MYO1E: variants seen among roughly 807,000 people sequenced by gnomAD.
MYO1E encodes the protein myosin IE.
Under a neutral mutation model 151.1 loss-of-function variants are expected in MYO1E, and 68 were observed. That is an observed-to-expected ratio of 0.45 (90% CI 0.37 to 0.55). The LOEUF is 0.55. Ranked by LOEUF, MYO1E falls within the 20% of genes least tolerant of loss-of-function variation. MYO1E has a pLI of 0.00. For synonymous variants in MYO1E, 601 were observed against 501.7 expected (o/e 1.20, Z -2.64); for missense variants, 1,363 against 1,389.3 (o/e 0.98, Z 0.30).
intron 4 of MYO1E, among the ~76,000 whole-genome samples, chr15:59,254,538 T>C (rs2080183226): frequency 6.6e-6 from 1 of 152,192 alleles, no homozygotes; most frequent in Non-Finnish European, 1.5e-5. Context: ...AGTAATCAAG[T>C]GGGACAGAAT....
At chr15:59,241,746 T>G (rs1190177023) in intron 4 of MYO1E, among the ~76,000 whole-genome samples, 1 of 151,524 alleles carries the variant, frequency 6.6e-6, no homozygotes, top group Non-Finnish European at 1.5e-5. Context: ...ATAAAAATTT[T>G]TAAATAAAAA....
intron 12 of MYO1E, among the ~76,000 whole-genome samples, chr15:59,212,032 C>T (rs1361355095): frequency 2.6e-5 from 4 of 152,080 alleles, no homozygotes; most frequent in Admixed American, 2.6e-4. Flanking sequence ...TCAGTGGGTC[C>T]TCATTCCACT....
intron 1 of MYO1E, among the ~76,000 whole-genome samples, chr15:59,307,656 G>C (rs2080522651): frequency 6.6e-6 from 1 of 152,068 alleles, no homozygotes; most frequent in African/African-American, 2.4e-5. Flanking sequence ...TGTTGCCCAG[G>C]CTGGAGTGCA....
intron 2 of MYO1E, among the ~76,000 whole-genome samples, chr15:59,270,534 C>T (rs1388830304): frequency 7.1e-6 from 1 of 141,454 alleles, no homozygotes; most frequent in African/African-American, 2.7e-5. Flanking sequence ...CAGAGGGAGA[C>T]CCTGTCTTAA....
rs114792198 is a variant in MYO1E at position 59,273,903 on chromosome 15, A to G, written c.4-1454T>C. The stretch of plus-strand genomic sequence containing the variant: ...TCGGGGGACTTCGAATGAAGAAGAG[A>G]AAAATTCTAAATAAGGGTATCTAGA... On this transcript the variant is annotated intron_variant, in intron 1 of 27. Coordinates refer to ENST00000288235, the MANE Select transcript of MYO1E (RefSeq NM_004998.4). Among the ~76,000 whole-genome samples the G allele has an allele frequency of 8.0e-3, 1,215 of 152,294 alleles. 19 individuals carry two copies. The highest frequency in any genetic ancestry group is 0.028 in the African/African-American group (1,166 of 41,570).
Position 59,134,763 on chromosome 15 carries a change from G to A in MYO1E, c.*2617C>T, listed in dbSNP as rs555034976. The A allele has an allele frequency of 3.4e-4, 52 of 152,314 alleles. No individual in the cohort carries two copies. The highest frequency in any genetic ancestry group is 1.2e-3 in the African/African-American group (50 of 41,562). 9.4% of individuals were successfully genotyped at this position (152,314 alleles called of 1,614,324 possible). A position where few individuals can be genotyped will look rare whatever the true frequency, so the allele number is the denominator to read the frequency against. ...GGATGGCAAGTTCCAGAAGGTGGGG[G>A]TGGCCCCTTGATCTTCTGTATGTTC... On this transcript the variant is annotated 3_prime_UTR_variant, in exon 28 of 28. Coordinates refer to ENST00000288235, the MANE Select transcript of MYO1E (RefSeq NM_004998.4).
chr15:59,308,671 CAA>C (rs36088204), intron 1 of MYO1E, among the ~76,000 whole-genome samples: 71,568 of 123,962 alleles, frequency 0.58, 19,738 homozygotes, highest in Middle Eastern at 0.71. Context: ...GACACCATCT[CAA>C]AAAAAAAAAA....
intron 1 of MYO1E, among the ~76,000 whole-genome samples, chr15:59,364,767 T>C (rs1299761710): frequency 2.0e-5 from 3 of 151,934 alleles, no homozygotes; most frequent in Non-Finnish European, 4.4e-5. Context: ...TGGCCGGGCA[T>C]GGTAGTGTGT....
At chr15:59,352,814 T>C (rs1273078339) in intron 1 of MYO1E, among the ~76,000 whole-genome samples, 1 of 152,130 alleles carries the variant, frequency 6.6e-6, no homozygotes, top group Admixed American at 6.6e-5. Context: ...GCAGAAGGAA[T>C]TACCAAGAAA....
intron 16 of MYO1E, among the ~76,000 whole-genome samples, chr15:59,198,102 G>A (rs922294974): frequency 2.0e-5 from 3 of 152,150 alleles, no homozygotes; most frequent in East Asian, 1.9e-4. Flanking sequence ...CTGGCCTCAA[G>A]CAATCTTCCC....
chr15:59,275,241 C>T (rs997099454), intron 1 of MYO1E, among the ~76,000 whole-genome samples: 1 of 152,308 alleles, frequency 6.6e-6, no homozygotes, highest in African/African-American at 2.4e-5. Context: ...AGACTGTCTC[C>T]AAAACCAAAT....
intron 14 of MYO1E, chr15:59,207,794 C>T: frequency 1.2e-6 from 2 of 1,614,144 alleles, no homozygotes; most frequent in Non-Finnish European, 8.5e-7. Flanking sequence ...GAAGTGACTG[C>T]AACTGCCTAT....
chr15:59,270,138 T>C (rs184109248), intron 2 of MYO1E, among the ~76,000 whole-genome samples: 3 of 152,206 alleles, frequency 2.0e-5, no homozygotes, highest in Admixed American at 6.5e-5. Context: ...AATAACGTAA[T>C]GTATATTTCA....
intron 1 of MYO1E, among the ~76,000 whole-genome samples, chr15:59,273,859 C>T (rs1006167446): frequency 3.9e-5 from 6 of 152,086 alleles, no homozygotes; most frequent in Non-Finnish European, 8.8e-5. Flanking sequence ...CTCGCCCCTG[C>T]CCCCTCCCTG....
chr15:59,138,479 C>T, intron 26 of MYO1E, 112 bp from the exon 27 acceptor site: 2 of 1,188,898 alleles, frequency 1.7e-6, no homozygotes, highest in Admixed American at 4.0e-5. Context: ...AAATCCAGCT[C>T]CATCCTTAGA....
chr15:59,241,506 G>C (rs1345222533), intron 4 of MYO1E, among the ~76,000 whole-genome samples: 2 of 152,106 alleles, frequency 1.3e-5, no homozygotes. Context: ...AGCAAGAGCA[G>C]CCTGGCCGAC....
intron 1 of MYO1E, among the ~76,000 whole-genome samples, chr15:59,281,338 T>A (rs1203622186): frequency 1.3e-5 from 2 of 151,712 alleles, no homozygotes; most frequent in East Asian, 3.9e-4. Flanking sequence ...TGTAATGGCA[T>A]GATCTTGGCT....
intron 16 of MYO1E, among the ~76,000 whole-genome samples, chr15:59,197,843 G>A (rs1240819261): frequency 6.6e-6 from 1 of 152,200 alleles, no homozygotes; most frequent in Non-Finnish European, 1.5e-5. Context: ...TATTTCAATA[G>A]CTATGGGTCA....
chr15:59,370,409 T>C (rs568348977), intron 1 of MYO1E, among the ~76,000 whole-genome samples: 80 of 152,362 alleles, frequency 5.3e-4, no homozygotes, highest in African/African-American at 1.8e-3. Flanking sequence ...GCCAAATCAC[T>C]CTGGATCCAG....
Sources: gnomAD v4.1 joint callset for allele counts (sites outside exome capture counted in the v4.1 genomes callset) on GRCh38, gnomAD v4.1.1 for gene constraint, MANE v1.5 for transcripts, NCBI Gene and HGNC (gene_info 2026-07-23, HGNC 2026-07-21) for gene names.